POM121C: variants seen among roughly 807,000 people sequenced by gnomAD.
The protein encoded by POM121C is nuclear envelope pore membrane protein POM 121C.
Under a neutral mutation model 66.4 loss-of-function variants are expected in POM121C, and 20 were observed. That is an observed-to-expected ratio of 0.30 (90% confidence interval 0.21 to 0.44). The LOEUF (loss-of-function observed/expected upper bound fraction) is 0.44, where lower values mean the gene tolerates loss of function less well. POM121C is among the 20% of genes least tolerant of loss of function. POM121C has a pLI of 1.00. For missense variants in POM121C, 580 were observed against 1,225.7 expected, an observed-to-expected ratio of 0.47 and a Z score of 7.87; for synonymous variants, 286 against 528.0, an observed-to-expected ratio of 0.54 and a Z score of 6.28.
At chr7:75,437,437 A>G in intron 7 of POM121C, 78 bp downstream of exon 7, 1 of 1,511,040 alleles carries the variant, frequency 6.6e-7, no homozygotes, top group South Asian at 1.3e-5. Flanking sequence ...TACATGGCTA[A>G]GCTACCATGT....
chr7:75,464,769 T>G (rs1791559121), intron 3 of POM121C, among the ~76,000 whole-genome samples: 1 of 118,986 alleles, frequency 8.4e-6, no homozygotes, highest in Admixed American at 9.1e-5. Flanking sequence ...GACAGGAGAA[T>G]TGCTTGAACC....
intron 1 of POM121C, among the ~76,000 whole-genome samples, chr7:75,483,383 G>A (rs1285237177): frequency 1.3e-5 from 2 of 152,004 alleles, no homozygotes; most frequent in African/African-American, 2.4e-5. Context: ...ATATGGTTTC[G>A]GTGTGTGTCG....
chr7:75,452,065 G>A (rs1343709482), intron 3 of POM121C, among the ~76,000 whole-genome samples: 1 of 152,142 alleles, frequency 6.6e-6, no homozygotes, highest in Non-Finnish European at 1.5e-5. Context: ...TTGGGAGGCT[G>A]AGGCAGGAGA....
chr7:75,441,466 C>T lies in POM121C; in HGVS notation c.31G>A (p.Ala11Thr), dbSNP rs190150814. The T allele has an allele frequency of 1.8e-4, 283 of 1,613,870 alleles. No homozygotes were observed. The African/African-American group carries it at 3.1e-3, about 18-fold the overall frequency. Residue 11 changes from alanine to threonine, a missense_variant, in exon 4 of 15, where the codon GCC becomes ACC. Coordinates refer to ENST00000615331, the MANE Select transcript of POM121C (RefSeq NM_001099415.3). MVCSPVTVRI[A>T]PPDRRFSRSA... is the part of the protein sequence containing the mutation. ...CGTGAAAATCTTCTGTCAGGAGGGGCGATCCTCACAGTCACTGGGCTACAC... is the reference window on the plus strand; with the variant it reads ...CGTGAAAATCTTCTGTCAGGAGGGGTGATCCTCACAGTCACTGGGCTACAC...
intron 3 of POM121C, among the ~76,000 whole-genome samples, chr7:75,455,150 T>C (rs1554476168): frequency 6.6e-6 from 1 of 152,192 alleles, no homozygotes; most frequent in African/African-American, 2.4e-5. Flanking sequence ...CTGGTTCATG[T>C]GCTTCTCCAG....
chr7:75,481,518 AG>A (rs1391014534), intron 1 of POM121C, among the ~76,000 whole-genome samples: 3 of 152,180 alleles, frequency 2.0e-5, no homozygotes, highest in African/African-American at 7.2e-5. Context: ...AAACAAATAG[AG>A]AATAGAAATT....
intron 3 of POM121C, among the ~76,000 whole-genome samples, chr7:75,467,250 C>T (rs1791687284): frequency 6.6e-6 from 1 of 152,012 alleles, no homozygotes; most frequent in Non-Finnish European, 1.5e-5. Flanking sequence ...TAATGTAAAG[C>T]ACCGGGCGTG....
intron 1 of POM121C, among the ~76,000 whole-genome samples, chr7:75,478,460 G>T (rs2116542019): frequency 6.6e-6 from 1 of 150,520 alleles, no homozygotes; most frequent in African/African-American, 2.4e-5. Flanking sequence ...CAACCCATAA[G>T]GAAGAAAAGA....
chr7:75,432,745 A>G (rs1790233578), intron 7 of POM121C, among the ~76,000 whole-genome samples: 2 of 152,232 alleles, frequency 1.3e-5, no homozygotes, highest in Admixed American at 6.5e-5. Context: ...TAAAAAGCAA[A>G]TATGCTGTGA....
chr7:75,424,404 A>G (rs1789852689), intron 11 of POM121C, 122 bp downstream of exon 11: 2 of 1,421,514 alleles, frequency 1.4e-6, no homozygotes, highest in African/African-American at 2.9e-5. Flanking sequence ...AAAGACCACA[A>G]GAAAACATGG....
chr7:75,468,425 C>A (rs1411417571), intron 3 of POM121C, among the ~76,000 whole-genome samples: 2 of 143,326 alleles, frequency 1.4e-5, no homozygotes, highest in Non-Finnish European at 3.0e-5. Context: ...TCAAGTGATT[C>A]TCCTGCCTCA....
intron 3 of POM121C, among the ~76,000 whole-genome samples, chr7:75,458,271 T>C (rs1171440330): frequency 6.6e-6 from 1 of 152,024 alleles, no homozygotes; most frequent in African/African-American, 2.4e-5. Context: ...GGCTCATGCC[T>C]GTAATCCCAA....
chr7:75,423,334 TCTAC>T (rs1789799736), intron 12 of POM121C, 131 bp from the exon 13 acceptor site: 1 of 723,486 alleles, frequency 1.4e-6, no homozygotes, highest in Non-Finnish European at 2.3e-6. Context: ...CTCAGCTAAG[TCTAC>T]ACTACAGGCC....
chr7:75,467,908 T>A (rs1554478085), intron 3 of POM121C, among the ~76,000 whole-genome samples: 1 of 151,750 alleles, frequency 6.6e-6, no homozygotes, highest in East Asian at 1.9e-4. Context: ...GGTGGGCAGA[T>A]CACCTGGGGT....
intron 12 of POM121C, among the ~76,000 whole-genome samples, chr7:75,423,745 G>A (rs587686588): frequency 2.6e-5 from 4 of 152,176 alleles, no homozygotes; most frequent in African/African-American, 4.8e-5. Flanking sequence ...TCCTGACCAC[G>A]CCACCACATT....
chr7:75,469,092 G>C (rs1461870923), intron 3 of POM121C, among the ~76,000 whole-genome samples: 1 of 151,418 alleles, frequency 6.6e-6, no homozygotes, highest in Non-Finnish European at 1.5e-5. Context: ...AATCTTTTGG[G>C]TCTACTTTCT....
At chr7:75,452,545 C>A (rs587608315) in intron 3 of POM121C, among the ~76,000 whole-genome samples, 2 of 152,290 alleles carry the variant, frequency 1.3e-5, no homozygotes, top group African/African-American at 2.4e-5. Context: ...ATGGTAGGCA[C>A]TGATGACGTA....
At chr7:75,419,682 T>C (rs1319931407) in intron 13 of POM121C, 10 of 522,602 alleles carry the variant, frequency 1.9e-5, no homozygotes, top group Non-Finnish European at 3.0e-5. Context: ...AAAGCCCCCC[T>C]GCCCCGCAGC....
intron 3 of POM121C, among the ~76,000 whole-genome samples, chr7:75,456,910 G>C (rs2116465756): frequency 6.6e-6 from 1 of 151,248 alleles, no homozygotes; most frequent in Non-Finnish European, 1.5e-5. Flanking sequence ...ACTCTGGGAG[G>C]CCGAGGCAGG....
Sources: allele counts gnomAD v4.1 joint callset (sites outside exome capture counted in the v4.1 genomes callset), GRCh38; gene constraint gnomAD v4.1.1; transcripts MANE v1.5; gene names NCBI Gene and HGNC (gene_info 2026-07-23, HGNC 2026-07-21).